The following LUC7L2 variants were observed in gnomAD, a reference collection of about 807,000 sequenced individuals.
LUC7L2 encodes LUC7 like 2, pre-mRNA splicing factor.
A neutral mutation model predicts 52.8 loss-of-function variants in LUC7L2; 25 were observed. The ratio of observed to expected loss-of-function variants is 0.47; its 90% CI spans 0.34 to 0.66. The LOEUF is 0.66. Ranked by LOEUF, LUC7L2 falls within the 30% of genes least tolerant of loss-of-function variation. The pLI is 0.01. For missense variants in LUC7L2, 328 were observed against 497.8 expected, an observed-to-expected ratio of 0.66 and a Z score of 3.25; for synonymous variants, 144 against 160.9, an observed-to-expected ratio of 0.89 and a Z score of 0.80.
chr7:139,369,126 G>A (rs1418551867), intron 1 of LUC7L2, among the ~76,000 whole-genome samples: 1 of 151,826 alleles, frequency 6.6e-6, no homozygotes, highest in Non-Finnish European at 1.5e-5. Context: ...ATTATTTTCA[G>A]CTATTGCTTG....
chr7:139,382,025 CA>C (rs1218874435), intron 2 of LUC7L2, among the ~76,000 whole-genome samples: 1 of 151,360 alleles, frequency 6.6e-6, no homozygotes, highest in Admixed American at 6.6e-5. Context: ...GCTGGGACTA[CA>C]AGGTGCGCCA....
In LUC7L2 at chr7:139,422,349, G is replaced by A. The variant is rs370523505; in HGVS notation, c.*9G>A. 1.1e-5 allele frequency: 17 copies of A among 1,602,448 alleles called. No individual in the cohort carries two copies. Among genetic ancestry groups the A allele is most frequent in the Non-Finnish European group, 1.4e-5 (16 of 1,175,826 alleles). On this transcript the variant is annotated 3_prime_UTR_variant, in exon 10 of 10. Coordinates refer to ENST00000354926, the MANE Select transcript of LUC7L2 (RefSeq NM_016019.5). ...AAGCAGGGGAGATCTAACTAGCTGT[G>A]TACATTTCTTCAGTCCTTAAGCTTC...
upstream of LUC7L2, among the ~76,000 whole-genome samples, chr7:139,357,932 C>G (rs1277913586): frequency 6.6e-6 from 1 of 151,896 alleles, no homozygotes; most frequent in East Asian, 1.9e-4. Flanking sequence ...CCTCGTGATT[C>G]GCCCGCCTCG....
At chr7:139,344,297 C>G (rs1044902189) in intron 1 of LUC7L2, among the ~76,000 whole-genome samples, 2 of 152,264 alleles carry the variant, frequency 1.3e-5, no homozygotes. Flanking sequence ...CCCCCACCCC[C>G]ACTCAGGAAT....
chr7:139,368,506 A>G (rs1569370412), intron 1 of LUC7L2, among the ~76,000 whole-genome samples: 1 of 152,228 alleles, frequency 6.6e-6, no homozygotes, highest in Non-Finnish European at 1.5e-5. Flanking sequence ...TGGGAGGCCA[A>G]GGTGGGTGGA....
chr7:139,376,265 G>T, intron 2 of LUC7L2, 109 bp downstream of exon 2: 2 of 1,098,824 alleles, frequency 1.8e-6, no homozygotes, highest in Non-Finnish European at 2.6e-6. Context: ...GGGGAGATTT[G>T]CATCCTTTAT....
In LUC7L2 at chr7:139,423,057, C is replaced by T. The variant is rs952721710; in HGVS notation, c.*717C>T. On this transcript the variant is annotated 3_prime_UTR_variant, in exon 10 of 10. Coordinates refer to ENST00000354926, the MANE Select transcript of LUC7L2 (RefSeq NM_016019.5). ...AGGGGGTGGGGGCAGGGACTCTTTT[C>T]GTAATAAGCACTTGTTTTATTTTGT... The T allele has an allele frequency of 2.0e-5, 8 of 398,660 alleles. No homozygotes were observed. The highest frequency in any genetic ancestry group is 3.6e-5 in the East Asian group (1 of 28,084). 24.7% of individuals were successfully genotyped at this position (398,660 alleles called of 1,614,324 possible). A position where few individuals can be genotyped will look rare whatever the true frequency, so the allele number is the denominator to read the frequency against.
intron 5 of LUC7L2, 129 bp from the exon 6 acceptor site, chr7:139,407,045 A>T: frequency 2.0e-5 from 9 of 443,434 alleles, no homozygotes; most frequent in East Asian, 7.5e-5. Context: ...CGCCCCAGTG[A>T]GCCACCGTGC....
At chr7:139,386,074 C>T (rs1359654840) in intron 2 of LUC7L2, among the ~76,000 whole-genome samples, 1 of 152,076 alleles carries the variant, frequency 6.6e-6, no homozygotes, top group Non-Finnish European at 1.5e-5. Context: ...ACAATCTTGG[C>T]TCACTGCAGC....
chr7:139,420,362 C>A (rs943812284), intron 9 of LUC7L2, among the ~76,000 whole-genome samples: 3 of 152,146 alleles, frequency 2.0e-5, no homozygotes, highest in African/African-American at 4.8e-5. Context: ...GGCCACCACA[C>A]CTGGCTATTT....
rs538229120 is a variant in LUC7L2 at position 139,389,292 on chromosome 7, A to AT, written c.157-9299dup. On this transcript the variant is annotated intron_variant, in intron 2 of 9. Transcript: ENST00000354926. ...TCTTTGCCTACAGAATAAATTCTGCATTTTTTTTGACTCATTTTCAGACTC... is the reference window on the plus strand; with the variant it reads ...TCTTTGCCTACAGAATAAATTCTGCATTTTTTTTTGACTCATTTTCAGACTC... Among the ~76,000 whole-genome samples the AT allele has an allele frequency of 5.3e-4, 80 of 151,718 alleles. 2 individuals are homozygous for AT. In the South Asian group the frequency reaches 0.013, roughly 24 times the overall value.
At chr7:139,414,112 C>G (rs1252354160) in intron 8 of LUC7L2, among the ~76,000 whole-genome samples, 1 of 152,194 alleles carries the variant, frequency 6.6e-6, no homozygotes, top group Non-Finnish European at 1.5e-5. Context: ...AACTGGGCTC[C>G]TTAGTTCTCT....
intron 1 of LUC7L2, among the ~76,000 whole-genome samples, chr7:139,372,196 T>C (rs1800485829): frequency 6.6e-6 from 1 of 152,226 alleles, no homozygotes; most frequent in Non-Finnish European, 1.5e-5. Flanking sequence ...GGATATTTTT[T>C]GTTGTTGACA....
At chr7:139,419,482 G>A (rs1795788866) in intron 9 of LUC7L2, among the ~76,000 whole-genome samples, 1 of 152,226 alleles carries the variant, frequency 6.6e-6, no homozygotes, top group African/African-American at 2.4e-5. Context: ...TCAGTGCAGT[G>A]TTCAGAAATA....
intron 2 of LUC7L2, among the ~76,000 whole-genome samples, chr7:139,387,886 G>A (rs1456265480): frequency 6.6e-6 from 1 of 152,068 alleles, no homozygotes; most frequent in Non-Finnish European, 1.5e-5. Flanking sequence ...ACAAAGTGTT[G>A]GGATTGCAGG....
At chr7:139,399,817 G>C (rs1240954035) in intron 3 of LUC7L2, among the ~76,000 whole-genome samples, 9 of 152,024 alleles carry the variant, frequency 5.9e-5, no homozygotes, top group Admixed American at 5.9e-4. Context: ...CCAAGAAATG[G>C]AAGACACCAT....
At chr7:139,415,109 A>ACCATGTT (rs967109352) in intron 8 of LUC7L2, among the ~76,000 whole-genome samples, 1 of 124,912 alleles carries the variant, frequency 8.0e-6, no homozygotes, top group Non-Finnish European at 1.6e-5. Context: ...TAGGGGTTTC[A>ACCATGTT]CCATGTTGGC....
At chr7:139,412,840 AAAAAAAAAG>A (rs1795424715) in intron 8 of LUC7L2, 1 of 231,634 alleles carries the variant, frequency 4.3e-6, no homozygotes, top group Non-Finnish European at 8.2e-6. Flanking sequence ...AAAAAAAAAA[AAAAAAAAAG>A]AAAATTTTTT....
rs981634094 is a variant in LUC7L2 at position 139,423,321 on chromosome 7, C to T, written c.*981C>T. ...CCAGATGAGCTGTTCATGTGGGCCC[C>T]TTGCTGACTATATTCCAGCCACTTC... On this transcript the variant is annotated 3_prime_UTR_variant, in exon 10 of 10. Coordinates refer to ENST00000354926, the MANE Select transcript of LUC7L2 (RefSeq NM_016019.5). 7.5e-6 allele frequency: 3 copies of T among 398,900 alleles called. No homozygotes were observed. Among genetic ancestry groups the T allele is most frequent in the Admixed American group, 8.8e-5 (2 of 22,712 alleles). 24.7% of individuals were successfully genotyped at this position (398,900 alleles called of 1,614,324 possible).
Sources: allele counts gnomAD v4.1 joint callset (sites outside exome capture counted in the v4.1 genomes callset), GRCh38; gene constraint gnomAD v4.1.1; transcripts MANE v1.5; gene names NCBI Gene and HGNC (gene_info 2026-07-23, HGNC 2026-07-21).